Variants in LYN observed in about 807,000 individuals in gnomAD.
The protein encoded by LYN is tyrosine-protein kinase Lyn.
Under a neutral mutation model 65.0 loss-of-function variants are expected in LYN, and 12 were observed. That is an observed-to-expected ratio of 0.18 (90% CI 0.12 to 0.30). The LOEUF is 0.30. Ranked by LOEUF, LYN falls within the 10% of genes least tolerant of loss-of-function variation. The probability of loss-of-function intolerance (pLI) is 1.00; values close to 1 mark genes in which losing one functional copy is unlikely to be tolerated. For missense variants in LYN, 380 were observed against 623.2 expected (o/e 0.61, Z 4.16); for synonymous variants, 222 against 221.2 (o/e 1.00, Z -0.03).
At chr8:55,984,206 A>G (rs1423637494) in intron 10 of LYN, among the ~76,000 whole-genome samples, 1 of 152,154 alleles carries the variant, frequency 6.6e-6, no homozygotes, top group Non-Finnish European at 1.5e-5. Context: ...TTTCCAAATA[A>G]GGCCACATTC....
rs112108402 is a variant in LYN, at chr8:55,922,385, T to A, written c.-5-19470T>A. Among the ~76,000 whole-genome samples, 1,109 of 150,418 alleles carry A rather than the reference T, an allele frequency of 7.4e-3. 11 individuals are homozygous for A. The highest frequency in any genetic ancestry group is 0.025 in the African/African-American group (1,037 of 41,138). On this transcript the variant is annotated intron_variant, in intron 1 of 12. Transcript: ENST00000519728. ...GATTATAGGCATGAGCCACCACACCTGGCTGACATCACAATTTTAAAGCCT... is the reference window on the plus strand; with the variant it reads ...GATTATAGGCATGAGCCACCACACCAGGCTGACATCACAATTTTAAAGCCT...
At chr8:55,982,912 C>T (rs904096315) in intron 10 of LYN, among the ~76,000 whole-genome samples, 2 of 152,098 alleles carry the variant, frequency 1.3e-5, no homozygotes, top group Non-Finnish European at 2.9e-5. Flanking sequence ...CAGCACTTCC[C>T]GTCCCTTGAA....
chr8:55,936,519 A>G (rs1173201352), intron 1 of LYN, among the ~76,000 whole-genome samples: 1 of 152,180 alleles, frequency 6.6e-6, no homozygotes, highest in African/African-American at 2.4e-5. Flanking sequence ...GGGCACCTGT[A>G]ATCCCAGCTA....
chr8:55,966,346 G>A (rs1807457069), intron 8 of LYN, among the ~76,000 whole-genome samples: 1 of 149,244 alleles, frequency 6.7e-6, no homozygotes. Flanking sequence ...TGCTAACTCT[G>A]CATCTACAAA....
rs567930113 is a variant in LYN at position 56,005,213 on chromosome 8, A to G, written c.1337-4695A>G. ...TCAGTCTCTACTTTAGAGACATCCT[A>G]TAAGGGGAGTCATACAGTTTTGCCC... On this transcript the variant is annotated intron_variant, in intron 12 of 12. Coordinates refer to ENST00000519728, the MANE Select transcript of LYN (RefSeq NM_002350.4). Among the ~76,000 whole-genome samples the G allele has an allele frequency of 1.1e-4, 17 of 152,276 alleles. No individual in the cohort carries two copies. The East Asian group carries it at 3.1e-3, about 28-fold the overall frequency.
At chr8:55,961,168 C>T (rs1325387812) in intron 8 of LYN, among the ~76,000 whole-genome samples, 1 of 152,222 alleles carries the variant, frequency 6.6e-6, no homozygotes, top group Non-Finnish European at 1.5e-5. Context: ...ACCACTCTCC[C>T]TTTTGTGGTA....
intron 4 of LYN, among the ~76,000 whole-genome samples, chr8:55,949,860 C>G (rs965267504): frequency 6.6e-6 from 1 of 152,160 alleles, no homozygotes; most frequent in South Asian, 2.1e-4. Context: ...ATCATCACCA[C>G]AATCCATTTT....
At chr8:55,993,434 TAGTTATG>T (rs1808299207) in intron 10 of LYN, among the ~76,000 whole-genome samples, 1 of 152,198 alleles carries the variant, frequency 6.6e-6, no homozygotes, top group African/African-American at 2.4e-5. Context: ...CAGAAGCATT[TAGTTATG>T]AGTACTGAGC....
chr8:55,943,404 C>T (rs1374058316), intron 2 of LYN, among the ~76,000 whole-genome samples: 1 of 151,836 alleles, frequency 6.6e-6, no homozygotes, highest in Non-Finnish European at 1.5e-5. Flanking sequence ...GGTGAAACCT[C>T]AGCTCTACTA....
intron 8 of LYN, among the ~76,000 whole-genome samples, chr8:55,957,762 G>A (rs748577057): frequency 2.0e-5 from 3 of 152,088 alleles, no homozygotes; most frequent in Non-Finnish European, 4.4e-5. Context: ...GGACAACATG[G>A]TGAAACCCTG....
intron 4 of LYN, among the ~76,000 whole-genome samples, chr8:55,948,075 G>A (rs1167956569): frequency 6.6e-6 from 1 of 152,092 alleles, no homozygotes; most frequent in Non-Finnish European, 1.5e-5. Context: ...CTAGGCTAAA[G>A]CAATCCTCTC....
At chr8:55,941,256 C>G (rs1392307510) in intron 1 of LYN, among the ~76,000 whole-genome samples, 2 of 152,154 alleles carry the variant, frequency 1.3e-5, no homozygotes, top group African/African-American at 4.8e-5. Flanking sequence ...AGCTTCACAT[C>G]CAGCATGTGC....
At chr8:56,005,080 G>A (rs1472218120) in intron 12 of LYN, among the ~76,000 whole-genome samples, 6 of 152,080 alleles carry the variant, frequency 3.9e-5, no homozygotes, top group Non-Finnish European at 7.4e-5. Context: ...CACCACGCCC[G>A]GCCAGCCACA....
chr8:55,929,592 C>T (rs1168170993), intron 1 of LYN, among the ~76,000 whole-genome samples: 3 of 152,138 alleles, frequency 2.0e-5, no homozygotes, highest in African/African-American at 7.2e-5. Flanking sequence ...ATCAGATTTC[C>T]TGGCATGAAG....
At chr8:56,001,757 T>C (rs767606134) in intron 12 of LYN, among the ~76,000 whole-genome samples, 2 of 152,188 alleles carry the variant, frequency 1.3e-5, no homozygotes, top group Non-Finnish European at 2.9e-5. Flanking sequence ...ATTATGTATA[T>C]AATCTGACAC....
rs1808768553 is a variant in LYN, at chr8:56,009,941, C to T, written c.1370C>T (p.Ser457Phe). The stretch of plus-strand genomic sequence containing the variant: ...AATGCCGACGTGATGACCGCCCTGT[C>T]CCAGGGCTACAGGATGCCCCGTGTG... The part of the protein sequence containing the change: ...RTNADVMTAL[S>F]QGYRMPRVEN... Residue 457 changes from serine to phenylalanine, a missense_variant, in exon 13 of 13, where the codon TCC becomes TTC. Physicochemically the swap from Ser to Phe is radical, Grantham distance 155 (BLOSUM62 -2). Coordinates refer to ENST00000519728, the MANE Select transcript of LYN (RefSeq NM_002350.4). The T allele has an allele frequency of 1.9e-6, 3 of 1,613,850 alleles. No individual in the cohort carries two copies. Among genetic ancestry groups the T allele is most frequent in the South Asian group, 1.1e-5 (1 of 91,084 alleles).
intron 1 of LYN, among the ~76,000 whole-genome samples, chr8:55,938,285 T>C (rs531080771): frequency 6.6e-6 from 1 of 152,376 alleles, no homozygotes; most frequent in East Asian, 1.9e-4. Flanking sequence ...ACTAGAGTTG[T>C]ATTTGCATGT....
intron 10 of LYN, among the ~76,000 whole-genome samples, chr8:55,982,915 C>G (rs1807968920): frequency 6.6e-6 from 1 of 152,110 alleles, no homozygotes; most frequent in Non-Finnish European, 1.5e-5. Context: ...CACTTCCCGT[C>G]CCTTGAACCT....
At chr8:55,946,763 C>T (rs1035145988) in intron 3 of LYN, among the ~76,000 whole-genome samples, 5 of 152,124 alleles carry the variant, frequency 3.3e-5, no homozygotes, top group African/African-American at 1.2e-4. Flanking sequence ...CTCCCCCAGC[C>T]GCTGGCAACC....
Sources: gnomAD v4.1 joint callset for allele counts (sites outside exome capture counted in the v4.1 genomes callset) on GRCh38, gnomAD v4.1.1 for gene constraint, MANE v1.5 for transcripts, NCBI Gene and HGNC (gene_info 2026-07-23, HGNC 2026-07-21) for gene names.